Variants in USP4 observed in about 807,000 individuals in gnomAD.
The protein encoded by USP4 is ubiquitin specific peptidase 4.
A neutral mutation model predicts 118.2 loss-of-function variants in USP4; 72 were observed. The observed-to-expected ratio is 0.61, with a 90% CI of 0.50 to 0.74. USP4 has a LOEUF of 0.74. Ranked by LOEUF, USP4 falls within the 30% of genes least tolerant of loss-of-function variation. USP4 has a pLI of 0.00. For missense variants in USP4, 1,037 were observed against 1,185.7 expected (o/e 0.87, Z 1.84); for synonymous variants, 415 against 440.4 (o/e 0.94, Z 0.72).
chr3:49,284,959 G>A (rs753911647), intron 16 of USP4, 40 bp from the exon 17 acceptor site: 10 of 1,551,834 alleles, frequency 6.4e-6, no homozygotes, highest in Non-Finnish European at 8.9e-6. Context: ...GGAATGGCAA[G>A]CAACAGGAAA....
At chr3:49,306,404 T>C (rs544833937) in intron 8 of USP4, among the ~76,000 whole-genome samples, 2 of 151,888 alleles carry the variant, frequency 1.3e-5, no homozygotes, top group Admixed American at 6.6e-5. Flanking sequence ...GGTTTCACCA[T>C]GTTGGCCAGG....
rs2047162818 is a variant in USP4 at position 49,292,605 on chromosome 3, A to G, written c.1884-7T>C. ...AGGCTGTTTCACATAGCGGCTTCAA[A>G]AAGAGAAAAAGAGAAGAAAAAAAAG... On this transcript the variant is annotated splice_polypyrimidine_tract_variant and splice_region_variant and intron_variant, in intron 14 of 21. Coordinates refer to ENST00000265560, the MANE Select transcript of USP4 (RefSeq NM_003363.4). 1 of 1,544,086 alleles carries G rather than the reference A, an allele frequency of 6.5e-7. No homozygotes were observed. The highest frequency in any genetic ancestry group is 8.7e-7 in the Non-Finnish European group (1 of 1,143,270).
In USP4 at chr3:49,300,481, A is replaced by G; in HGVS notation, c.1498T>C (p.Cys500Arg). ...EVFLVPADPH[C>R]RPTQYRVTVP... ...GATTCTGTCACCTGAGTAGGTCTGC[A>G]GTGAGGGTCAGCAGGAACCAGGAAA... The change falls in exon 11 of 22, where the codon TGC becomes CGC. Residue 500 changes from cysteine (C) to arginine (R), a missense_variant. Transcript: ENST00000265560. 6.2e-7 allele frequency: 1 copy of G among 1,614,130 alleles called. No homozygotes were observed. Among genetic ancestry groups the G allele is most frequent in the Admixed American group, 1.7e-5 (1 of 59,992 alleles).
chr3:49,323,271 TAAAAAAAAAAAAAAA>T (rs1173500243), intron 6 of USP4, among the ~76,000 whole-genome samples: 1 of 101,230 alleles, frequency 9.9e-6, no homozygotes, highest in Non-Finnish European at 2.0e-5. Flanking sequence ...CTGGCCTTTT[TAAAAAAAAAAAAAAA>T]AAAAAAAAAA....
chr3:49,324,694 T>A lies in USP4; in HGVS notation c.695+8A>T, dbSNP rs1406322328. On this transcript the variant is annotated splice_region_variant and intron_variant, in intron 6 of 21. Transcript: ENST00000265560. ...GAGCCTACAACAAGGGAGAAAAAAT[T>A]CACTTACTTTGACTGCAAGGTCTGC... The A allele has an allele frequency of 6.2e-7, 1 of 1,613,876 alleles. No homozygotes were observed. The highest frequency in any genetic ancestry group is 8.5e-7 in the Non-Finnish European group (1 of 1,179,742).
In USP4 at chr3:49,317,043, T is replaced by C. The variant is rs764855163; in HGVS notation, c.696-5389A>G. 9.3e-6 allele frequency: 9 copies of C among 971,734 alleles called. 1 individual carries two copies. The South Asian group carries it at 9.6e-5, about 10-fold the overall frequency. The allele number at this position is 971,734 out of a possible 1,614,324, so 60.2% of individuals were successfully genotyped here. A position where few individuals can be genotyped will look rare whatever the true frequency, so the allele number is the denominator to read the frequency against. On this transcript the variant is annotated intron_variant, in intron 6 of 21. Transcript: ENST00000265560. ...TGTGGACAGACTTGCTGGGGCTGAG[T>C]TGAGGGGCGCACAGAGGCAGGCCCT...
chr3:49,286,242 C>T lies in USP4; in HGVS notation c.2056G>A (p.Gly686Arg). The change falls in exon 16 of 22, where the codon GGA becomes AGA. Residue 686 changes from glycine (G) to arginine (R), a missense_variant. By Grantham distance (125) the Gly-to-Arg change is moderately radical. Coordinates refer to ENST00000265560, the MANE Select transcript of USP4 (RefSeq NM_003363.4). ...ETEGSGEDEP[G>R]NDPSETTQKK... ...TGGGTGGTCTCACTGGGGTCATTTC[C>T]TGGCTCATCTTCCCCACTGCCTTCT... 2 of 1,614,168 alleles carry T rather than the reference C, an allele frequency of 1.2e-6. No homozygotes were observed. The highest frequency in any genetic ancestry group is 1.7e-6 in the Non-Finnish European group (2 of 1,180,030).
Position 49,294,488 on chromosome 3 carries a change from T to C in USP4, c.1802A>G (p.Tyr601Cys), listed in dbSNP as rs975850008. The change falls in exon 14 of 22, where the codon TAT becomes TGT. Residue 601 changes from tyrosine to cysteine, a missense_variant. Tyr to Cys is a radical substitution (Grantham distance 194, BLOSUM62 -2). Around this residue, in one of 3 missense-constraint regions of USP4, gnomAD observed 522 missense variants for 592.6 expected, o/e 0.88. Coordinates refer to ENST00000265560, the MANE Select transcript of USP4 (RefSeq NM_003363.4). ...PSSTSSASAL[Y>C]GQPLLLSVPK... ...GACAGAAAGCAATAGTGGCTGCCCA[T>C]ATAGCGCTGATGCGGAGGAAGTGCT... 1.2e-6 allele frequency: 2 copies of C among 1,614,076 alleles called. No individual in the cohort carries two copies. Among genetic ancestry groups the C allele is most frequent in the African/African-American group, 1.3e-5 (1 of 74,922 alleles).
chr3:49,311,772 C>T, intron 6 of USP4, 118 bp from the exon 7 acceptor site: 1 of 1,433,356 alleles, frequency 7.0e-7, no homozygotes, highest in Non-Finnish European at 9.1e-7. Context: ...AAATAAATTA[C>T]AAAAAGCCTG....
chr3:49,298,709 T>C (rs2107777943), intron 11 of USP4, 74 bp from the exon 12 acceptor site: 1 of 1,322,284 alleles, frequency 7.6e-7, no homozygotes, highest in East Asian at 2.3e-5. Context: ...GAAGCAGGCA[T>C]CACTAGGGGC....
At chr3:49,312,318 A>G in intron 6 of USP4, 1 of 355,518 alleles carries the variant, frequency 2.8e-6, no homozygotes, top group Non-Finnish European at 5.6e-6. Flanking sequence ...GTGAAACCAC[A>G]TCTCTACTAA....
intron 6 of USP4, chr3:49,313,904 C>T (rs1403122776): frequency 6.6e-6 from 1 of 151,790 alleles, no homozygotes; most frequent in Non-Finnish European, 1.5e-5. Context: ...CAACAGTCTC[C>T]TTATGTTGCC....
chr3:49,300,424 C>T, intron 11 of USP4, 43 bp downstream of exon 11: 2 of 1,577,976 alleles, frequency 1.3e-6, no homozygotes, highest in Non-Finnish European at 1.7e-6. Context: ...GATCTGGAGA[C>T]CACTTGCAGT....
Position 49,316,381 on chromosome 3 carries a change from CA to C in USP4, c.696-4728del, listed in dbSNP as rs2047436349. ...CAGCTCACTGCAGACTTCACCTCCCCAGTTCAAGCAATTCTCATGCCTCAGC... is the reference window on the plus strand; with the variant it reads ...CAGCTCACTGCAGACTTCACCTCCCCGTTCAAGCAATTCTCATGCCTCAGC... On this transcript the variant is annotated intron_variant, in intron 6 of 21. Coordinates refer to ENST00000265560, the MANE Select transcript of USP4 (RefSeq NM_003363.4). 3.3e-5 allele frequency among the ~76,000 whole-genome samples: 5 copies of C among 152,066 alleles called. No homozygotes were observed. In the South Asian group the frequency reaches 1.0e-3, roughly 32 times the overall value.
intron 8 of USP4, among the ~76,000 whole-genome samples, chr3:49,309,757 G>A (rs1323091521): frequency 1.3e-5 from 2 of 148,838 alleles, no homozygotes; most frequent in Non-Finnish European, 3.0e-5. Context: ...CTCCCAAGAA[G>A]CTTGGATTAC....
chr3:49,323,658 A>G (rs2107797806), intron 6 of USP4, among the ~76,000 whole-genome samples: 1 of 152,210 alleles, frequency 6.6e-6, no homozygotes, highest in East Asian at 1.9e-4. Flanking sequence ...TTCTCTTAAG[A>G]ACTCATAGTT....
At chr3:49,297,771 A>G in intron 13 of USP4, 99 bp downstream of exon 13, 1 of 993,452 alleles carries the variant, frequency 1.0e-6, no homozygotes, top group South Asian at 1.4e-5. Context: ...CCACATGAGC[A>G]ATGACTGCCC....
intron 20 of USP4, 94 bp downstream of exon 20, chr3:49,280,650 A>AGCAAAGCATTTAGG: frequency 1.0e-6 from 1 of 977,556 alleles, no homozygotes; most frequent in Non-Finnish European, 1.6e-6. Flanking sequence ...AAACTGCATA[A>AGCAAAGCATTTAGG]GCAAAGCATT....
At chr3:49,330,259 A>G (rs2047601631) in intron 2 of USP4, among the ~76,000 whole-genome samples, 1 of 152,206 alleles carries the variant, frequency 6.6e-6, no homozygotes, top group Non-Finnish European at 1.5e-5. Flanking sequence ...TTTAGTAGGC[A>G]TGAAACAACA....
Sources: gnomAD v4.1 joint callset for allele counts (sites outside exome capture counted in the v4.1 genomes callset) on GRCh38, gnomAD v4.1.1 for gene constraint, gnomAD v4.1.1 regional missense constraint, MANE v1.5 for transcripts, NCBI Gene and HGNC (gene_info 2026-07-23, HGNC 2026-07-21) for gene names.